Variants in CCDC178 observed in about 807,000 individuals in gnomAD.
CCDC178 encodes coiled-coil domain containing 178, also known as coiled-coil domain-containing protein 178.
CCDC178 carries 126 observed loss-of-function variants against 117.4 expected under a neutral mutation model. That is an observed-to-expected ratio of 1.07 (90% CI 0.93 to 1.24). The LOEUF is 1.24. Ranked by LOEUF, CCDC178 falls within the 50% of genes most tolerant of loss-of-function variation. CCDC178 has a pLI of 0.00. For synonymous variants in CCDC178, 283 were observed against 313.4 expected (o/e 0.90, Z 1.02); for missense variants, 1,030 against 986.9 (o/e 1.04, Z -0.59).
chr18:33,074,690 G>A (rs2057174202), intron 21 of CCDC178, among the ~76,000 whole-genome samples: 1 of 152,182 alleles, frequency 6.6e-6, no homozygotes, highest in Non-Finnish European at 1.5e-5. Context: ...AGGAAGGGGA[G>A]TGGTAAACAG....
chr18:33,396,885 A>C (rs2063644846), intron 4 of CCDC178, among the ~76,000 whole-genome samples: 1 of 152,150 alleles, frequency 6.6e-6, no homozygotes, highest in African/African-American at 2.4e-5. Context: ...TATGAAAAAA[A>C]CCCACATATT....
chr18:33,155,841 C>T (rs1432565042), intron 20 of CCDC178, among the ~76,000 whole-genome samples: 3 of 151,812 alleles, frequency 2.0e-5, no homozygotes, highest in East Asian at 3.9e-4. Flanking sequence ...AACATAAAGT[C>T]CTACATTACT....
chr18:33,323,362 G>A (rs1210396548), intron 11 of CCDC178, 129 bp downstream of exon 11: 2 of 460,426 alleles, frequency 4.3e-6, no homozygotes, highest in African/African-American at 4.1e-5. Context: ...TTGGTGATAA[G>A]ACAGGTATGA....
chr18:33,435,828 G>A (rs1435517282), intron 2 of CCDC178, among the ~76,000 whole-genome samples: 1 of 142,840 alleles, frequency 7.0e-6, no homozygotes, highest in Non-Finnish European at 1.6e-5. Context: ...AGAGAAAGAG[G>A]GATCTAGAAT....
At chr18:33,401,073 C>T (rs1008436345) in intron 3 of CCDC178, among the ~76,000 whole-genome samples, 2 of 152,088 alleles carry the variant, frequency 1.3e-5, no homozygotes, top group Non-Finnish European at 2.9e-5. Context: ...AGAACACATG[C>T]AACATTGATC....
intron 11 of CCDC178, among the ~76,000 whole-genome samples, chr18:33,296,814 G>T (rs2144890228): frequency 6.6e-6 from 1 of 152,242 alleles, no homozygotes; most frequent in South Asian, 2.1e-4. Flanking sequence ...ATCACCAGAG[G>T]TCAGGAGTTT....
At chr18:32,939,067 G>T (rs1469860712) in intron 22 of CCDC178, among the ~76,000 whole-genome samples, 1 of 152,034 alleles carries the variant, frequency 6.6e-6, no homozygotes, top group Non-Finnish European at 1.5e-5. Flanking sequence ...AATTACCCAA[G>T]AAGTGAAATA....
intron 20 of CCDC178, among the ~76,000 whole-genome samples, chr18:33,119,870 T>C (rs1373767120): frequency 6.6e-6 from 1 of 152,116 alleles, no homozygotes; most frequent in Admixed American, 6.5e-5. Flanking sequence ...AAAGGATGAA[T>C]TCATGTCCTT....
intron 20 of CCDC178, among the ~76,000 whole-genome samples, chr18:33,202,160 C>T (rs2058996660): frequency 6.6e-6 from 1 of 151,722 alleles, no homozygotes. Flanking sequence ...TTTGGGAGGC[C>T]GAGGCAGGCG....
At chr18:33,281,378 A>G (rs1372324662) in intron 12 of CCDC178, among the ~76,000 whole-genome samples, 5 of 152,122 alleles carry the variant, frequency 3.3e-5, no homozygotes, top group African/African-American at 1.2e-4. Context: ...CGTAAATTAT[A>G]TTGAAGGAAA....
intron 21 of CCDC178, among the ~76,000 whole-genome samples, chr18:33,032,336 C>A (rs1263537338): frequency 6.6e-6 from 1 of 152,026 alleles, no homozygotes; most frequent in African/African-American, 2.4e-5. Context: ...TTTTCAAAGT[C>A]AGCATTAGAA....
chr18:32,956,650 C>T (rs558339461), intron 22 of CCDC178: 1 of 152,034 alleles, frequency 6.6e-6, no homozygotes, highest in Non-Finnish European at 1.5e-5. Context: ...TTGTGAGGCC[C>T]AAGTTAAAAT....
intron 12 of CCDC178, among the ~76,000 whole-genome samples, chr18:33,274,343 C>T (rs1394954003): frequency 2.0e-5 from 3 of 151,788 alleles, no homozygotes; most frequent in East Asian, 1.9e-4. Context: ...GAAAATAGTT[C>T]GGCAGTTCCT....
At chr18:33,002,792 GAAAA>G in intron 21 of CCDC178, among the ~76,000 whole-genome samples, 1 of 150,880 alleles carries the variant, frequency 6.6e-6, no homozygotes, top group South Asian at 2.1e-4. Flanking sequence ...GCCAAACTGA[GAAAA>G]AAAAGAGAGA....
At chr18:33,145,964 A>G (rs993198013) in intron 20 of CCDC178, among the ~76,000 whole-genome samples, 1 of 152,304 alleles carries the variant, frequency 6.6e-6, no homozygotes, top group African/African-American at 2.4e-5. Flanking sequence ...AATACTATTG[A>G]TTGATATAAG....
chr18:33,011,372 A>G (rs1048274910), intron 21 of CCDC178, among the ~76,000 whole-genome samples: 2 of 152,152 alleles, frequency 1.3e-5, no homozygotes, highest in Non-Finnish European at 2.9e-5. Context: ...CAGTAGCTGC[A>G]GCCATTTGCA....
rs960362592 is a variant in CCDC178, at chr18:33,326,746, G to T, written c.880-3113C>A. On this transcript the variant is annotated intron_variant, in intron 10 of 22. Coordinates refer to ENST00000383096, the MANE Select transcript of CCDC178 (RefSeq NM_001105528.4). Reference sequence around the variant, plus strand: ...GCTAACTTATATTGCATACCTTCTCGGTGGTTACAGAAAAAGGGGATTGAG... The same window carrying T: ...GCTAACTTATATTGCATACCTTCTCTGTGGTTACAGAAAAAGGGGATTGAG... 2.0e-5 allele frequency among the ~76,000 whole-genome samples: 3 copies of T among 151,466 alleles called. No homozygotes were observed. In the East Asian group the frequency reaches 5.8e-4, roughly 29 times the overall value.
chr18:33,322,490 G>A (rs1052748175), intron 11 of CCDC178, among the ~76,000 whole-genome samples: 11 of 151,690 alleles, frequency 7.3e-5, no homozygotes, highest in African/African-American at 2.2e-4. Context: ...TCTTAATTAA[G>A]ACTGAACAAT....
chr18:33,006,108 A>G (rs2055744350), intron 21 of CCDC178, among the ~76,000 whole-genome samples: 1 of 152,058 alleles, frequency 6.6e-6, no homozygotes, highest in African/African-American at 2.4e-5. Context: ...TTAACATCAT[A>G]TTTTTAGACT....
Sources: allele counts gnomAD v4.1 joint callset (sites outside exome capture counted in the v4.1 genomes callset), GRCh38; gene constraint gnomAD v4.1.1; transcripts MANE v1.5; gene names NCBI Gene and HGNC (gene_info 2026-07-23, HGNC 2026-07-21).